DDX23: variants seen among roughly 807,000 people sequenced by gnomAD.
The protein encoded by DDX23 is probable ATP-dependent RNA helicase DDX23.
DDX23 carries 33 observed loss-of-function variants against 102.7 expected under a neutral mutation model. The observed-to-expected ratio is 0.32, with a 90% CI of 0.24 to 0.43. The LOEUF (loss-of-function observed/expected upper bound fraction) is 0.43. Ranked by LOEUF, DDX23 falls within the 20% of genes least tolerant of loss-of-function variation. The probability of loss-of-function intolerance (pLI) is 1.00; values close to 1 mark genes in which losing one functional copy is unlikely to be tolerated. For missense variants in DDX23, 549 were observed against 1,086.6 expected (o/e 0.51, Z 6.96); for synonymous variants, 352 against 376.0 (o/e 0.94, Z 0.74).
chr12:48,833,235 T>G, intron 13 of DDX23, 42 bp downstream of exon 13: 1 of 1,611,380 alleles, frequency 6.2e-7, no homozygotes, highest in Non-Finnish European at 8.5e-7. Context: ...TCCACCCGCC[T>G]TGGCCTGTCC....
rs1383052471 is a variant in DDX23, at chr12:48,830,163, G to A, written c.*306C>T. 1.9e-6 allele frequency: 1 copy of A among 537,486 alleles called. No individual in the cohort carries two copies. Among genetic ancestry groups the A allele is most frequent in the Admixed American group, 2.2e-5 (1 of 44,772 alleles). The allele number at this position is 537,486 out of a possible 1,614,324, so 33.3% of individuals were successfully genotyped here. On this transcript the variant is annotated 3_prime_UTR_variant, in exon 17 of 17. Transcript: ENST00000308025. The surrounding 1 kb of genome is among the most constrained non-coding windows in gnomAD (Gnocchi z 4.9). The stretch of plus-strand genomic sequence containing the variant: ...GTTTCTGTTCAGTCTGGGGAGCAAT[G>A]CCAACTGGCTGCCCCCATAGCCTGG...
chr12:48,839,878 G>A lies in DDX23; in HGVS notation c.446C>T (p.Ala149Val). The A allele has an allele frequency of 1.9e-6, 3 of 1,614,122 alleles. No individual in the cohort carries two copies. Among genetic ancestry groups the A allele is most frequent in the Non-Finnish European group, 2.5e-6 (3 of 1,180,026 alleles). ...AQPLSLEELL[A>V]KKKAEEEAEA... Reference sequence around the variant, plus strand: ...AGCTTCTTCCTCAGCCTTTTTCTTGGCCAGAAGCTCCTCCAGGGATAATGG... The same window carrying A: ...AGCTTCTTCCTCAGCCTTTTTCTTGACCAGAAGCTCCTCCAGGGATAATGG... The change falls in exon 5 of 17, where the codon GCC becomes GTC. Residue 149 changes from alanine to valine, a missense_variant. Physicochemically the swap from Ala to Val is moderately conservative, Grantham distance 64. This residue lies in a region of DDX23 where 241 missense variants were observed against 267.0 expected (regional missense o/e 0.90). Coordinates refer to ENST00000308025, the MANE Select transcript of DDX23 (RefSeq NM_004818.3).
Position 48,836,775 on chromosome 12 carries a change from G to A in DDX23, c.1030C>T (p.Arg344Cys), listed in dbSNP as rs1938471975. 1.9e-6 allele frequency: 3 copies of A among 1,614,062 alleles called. No homozygotes were observed. The highest frequency in any genetic ancestry group is 2.5e-6 in the Non-Finnish European group (3 of 1,179,958). ...CAGCGCTGCTTGGCTTCCTTCTTAC[G>A]AAGTTTGCGGAGTCTTGCCCTGGAG... ...EQEEARLRKL[R>C]KKEAKQRWDD... is the part of the protein sequence containing the mutation. The change falls in exon 10 of 17, where the codon CGT (arginine) becomes TGT (cysteine). Residue 344 changes from arginine (R) to cysteine (C), a missense_variant. Arg to Cys is a radical substitution (Grantham distance 180, BLOSUM62 -3). Coordinates refer to ENST00000308025, the MANE Select transcript of DDX23 (RefSeq NM_004818.3). The surrounding 1 kb of genome is among the most constrained non-coding windows in gnomAD (Gnocchi z 6.1).
chr12:48,840,808 C>A (rs1938538184), intron 3 of DDX23, among the ~76,000 whole-genome samples: 1 of 151,624 alleles, frequency 6.6e-6, no homozygotes, highest in Admixed American at 6.6e-5. Flanking sequence ...CCACCTCGGC[C>A]ACCCAAAGTG....
chr12:48,844,191 G>A (rs1938623660), intron 2 of DDX23, 141 bp from the exon 3 acceptor site: 8 of 789,470 alleles, frequency 1.0e-5, no homozygotes, highest in Non-Finnish European at 1.7e-5. Flanking sequence ...AAATAACGAG[G>A]GAATTCTAAG....
chr12:48,834,099 A>G (rs1307379904), intron 12 of DDX23, among the ~76,000 whole-genome samples: 1 of 152,210 alleles, frequency 6.6e-6, no homozygotes, highest in Non-Finnish European at 1.5e-5. Flanking sequence ...TATAACAAGG[A>G]AATACCACTC....
At chr12:48,843,161 G>A (rs573364843) in intron 3 of DDX23, among the ~76,000 whole-genome samples, 10 of 149,900 alleles carry the variant, frequency 6.7e-5, no homozygotes, top group South Asian at 2.1e-4. Flanking sequence ...CAAACACTGC[G>A]GAAGGCCGCA....
chr12:48,846,561 C>T (rs1288856288), intron 1 of DDX23, among the ~76,000 whole-genome samples: 1 of 152,092 alleles, frequency 6.6e-6, no homozygotes, highest in Non-Finnish European at 1.5e-5. Flanking sequence ...ACAAGGAAAA[C>T]CTGAATTTAA....
intron 11 of DDX23, chr12:48,834,768 T>G (rs1938441384): frequency 3.5e-6 from 1 of 286,300 alleles, no homozygotes; most frequent in Admixed American, 4.8e-5. Context: ...ACCCTGCCTC[T>G]AATAAAAATA....
chr12:48,837,499 G>A, intron 7 of DDX23, 25 bp downstream of exon 7: 1 of 1,613,940 alleles, frequency 6.2e-7, no homozygotes, highest in Non-Finnish European at 8.5e-7. Context: ...TGGGAGAGAA[G>A]TGAAGATGGA....
In DDX23 at chr12:48,850,258, T is replaced by C. The variant is rs140535074; in HGVS notation, c.-1+1826A>G. ...ATTTTGGAGGCAAAGCTAACAGGAC[T>C]TACTAAGGAAGAAGCAGAAAGAGCA... On this transcript the variant is annotated intron_variant, in intron 1 of 16. Coordinates refer to ENST00000308025, the MANE Select transcript of DDX23 (RefSeq NM_004818.3). Among the ~76,000 whole-genome samples the C allele has an allele frequency of 6.9e-3, 1,055 of 152,228 alleles. 6 individuals are homozygous for C. The highest frequency in any genetic ancestry group is 0.011 in the Non-Finnish European group (723 of 68,016).
chr12:48,837,101 AGAC>A, intron 8 of DDX23, 64 bp from the exon 9 acceptor site: 1 of 1,605,210 alleles, frequency 6.2e-7, no homozygotes, highest in Non-Finnish European at 8.5e-7. Flanking sequence ...AAGGAAGGGC[AGAC>A]TACTAGTATG....
chr12:48,837,875 G>A, intron 6 of DDX23, 67 bp downstream of exon 6: 2 of 1,605,432 alleles, frequency 1.2e-6, no homozygotes, highest in Admixed American at 3.4e-5. Context: ...TCTCTCCTAA[G>A]AGACACTGTA....
intron 5 of DDX23, among the ~76,000 whole-genome samples, chr12:48,839,227 T>A (rs553984763): frequency 6.6e-6 from 1 of 151,896 alleles, no homozygotes; most frequent in Admixed American, 6.6e-5. Flanking sequence ...TTTGACTATA[T>A]GTGGAGACAG....
chr12:48,852,030 ACT>A (rs1289463302), intron 1 of DDX23, 52 bp downstream of exon 1: 1 of 152,000 alleles, frequency 6.6e-6, no homozygotes, highest in Non-Finnish European at 1.5e-5. Context: ...CCGTGCCCTG[ACT>A]CTAGCCCTTT....
At chr12:48,848,306 A>C (rs1194045630) in intron 1 of DDX23, among the ~76,000 whole-genome samples, 16 of 151,266 alleles carry the variant, frequency 1.1e-4, no homozygotes, top group South Asian at 2.1e-4. Flanking sequence ...CAAAACAAAA[A>C]ACAAAAAAAA....
intron 3 of DDX23, among the ~76,000 whole-genome samples, chr12:48,842,749 G>A (rs1281064977): frequency 6.6e-6 from 1 of 152,074 alleles, no homozygotes; most frequent in Non-Finnish European, 1.5e-5. Context: ...CGCCCCTACT[G>A]GGAAGTGAGG....
intron 11 of DDX23, chr12:48,835,252 T>A (rs1592200347): frequency 5.4e-6 from 1 of 184,980 alleles, no homozygotes; most frequent in Non-Finnish European, 1.2e-5. Flanking sequence ...AAAAAATAAA[T>A]AAATAAATAA....
chr12:48,831,420 C>T, intron 15 of DDX23, 104 bp from the exon 16 acceptor site: 1 of 1,098,444 alleles, frequency 9.1e-7, no homozygotes. Flanking sequence ...GAGAGAGCAG[C>T]AGAGTACGAG....
Sources: gnomAD v4.1 joint callset for allele counts (sites outside exome capture counted in the v4.1 genomes callset) on GRCh38, gnomAD v4.1.1 for gene constraint, gnomAD v4.1.1 regional missense constraint, Gnocchi (gnomAD v3.1) non-coding constraint, MANE v1.5 for transcripts, NCBI Gene and HGNC (gene_info 2026-07-23, HGNC 2026-07-21) for gene names.